Variants in RANBP2 observed in about 807,000 individuals in gnomAD.
RANBP2 encodes E3 SUMO-protein ligase RanBP2.
A neutral mutation model predicts 303.6 loss-of-function variants in RANBP2; 57 were observed. That is an observed-to-expected ratio of 0.19 (90% CI 0.15 to 0.23). RANBP2 has a LOEUF of 0.23. Ranked by LOEUF, RANBP2 falls within the 10% of genes least tolerant of loss-of-function variation. The pLI is 1.00. For synonymous variants in RANBP2, 1,167 were observed against 1,301.5 expected (o/e 0.90, Z 2.23); for missense variants, 3,138 against 3,780.8 (o/e 0.83, Z 4.46).
At chr2:108,795,068 GTCT>G in the RANBP2 span, among the ~76,000 whole-genome samples, 2 of 150,050 alleles carry the variant, frequency 1.3e-5, no homozygotes, top group African/African-American at 4.9e-5. Context: ...TATATAAAAA[GTCT>G]TCTTGTCAAC....
the RANBP2 span, among the ~76,000 whole-genome samples, chr2:109,193,858 A>G: frequency 6.6e-6 from 1 of 152,078 alleles, no homozygotes; most frequent in Non-Finnish European, 1.5e-5. Context: ...AGCCCCGGGG[A>G]TGGGTTTTCT....
the RANBP2 span, among the ~76,000 whole-genome samples, chr2:108,897,406 G>A: frequency 2.4e-4 from 36 of 151,998 alleles, no homozygotes; most frequent in South Asian, 1.0e-3. Flanking sequence ...CACCTAGAAC[G>A]CTGCCAGCCA....
the RANBP2 span, among the ~76,000 whole-genome samples, chr2:109,024,277 C>T: frequency 6.6e-6 from 1 of 152,120 alleles, no homozygotes; most frequent in African/African-American, 2.4e-5. Flanking sequence ...AGAAGATAAG[C>T]TAGATGTTAT....
the RANBP2 span, among the ~76,000 whole-genome samples, chr2:108,914,213 TCACACCACTGCACTCTA>T: frequency 6.6e-6 from 1 of 151,302 alleles, no homozygotes; most frequent in Non-Finnish European, 1.5e-5. Flanking sequence ...TGAGCCGAGA[TCACACCACTGCACTCTA>T]GCCTGGGCAA....
At chr2:109,714,286 CT>C in the RANBP2 span, among the ~76,000 whole-genome samples, 1 of 151,738 alleles carries the variant, frequency 6.6e-6, no homozygotes, top group Non-Finnish European at 1.5e-5. Flanking sequence ...GTGTTTTTCT[CT>C]TTTTTAAAAG....
chr2:108,725,808 T>A (rs1353707732), intron 1 of RANBP2, among the ~76,000 whole-genome samples: 2 of 151,734 alleles, frequency 1.3e-5, no homozygotes, highest in Admixed American at 6.6e-5. Flanking sequence ...TTTGTTAAGA[T>A]TGCTGTAGTT....
the RANBP2 span, among the ~76,000 whole-genome samples, chr2:109,198,816 G>A: frequency 6.6e-6 from 1 of 152,200 alleles, no homozygotes; most frequent in South Asian, 2.1e-4. Context: ...AGGCTACGTG[G>A]CACAGCCTGT....
In RANBP2 at chr2:108,720,592, C is replaced by G. The variant is rs192465514; in HGVS notation, c.72+914C>G. On this transcript the variant is annotated intron_variant, in intron 1 of 28. Transcript: ENST00000283195. The stretch of plus-strand genomic sequence containing the variant: ...TTGGCTTGAATAATCACAGCACTGT[C>G]GTTTATAAGCTGGGTATTTGGGGCC... 3.0e-3 allele frequency among the ~76,000 whole-genome samples: 463 copies of G among 152,252 alleles called. 3 individuals are homozygous for G. Among genetic ancestry groups the G allele is most frequent in the African/African-American group, 0.011 (446 of 41,540 alleles).
the RANBP2 span, among the ~76,000 whole-genome samples, chr2:109,423,238 G>A: frequency 2.6e-5 from 4 of 152,092 alleles, no homozygotes; most frequent in Non-Finnish European, 5.9e-5. Flanking sequence ...CAGGGGAATC[G>A]TGGCCAGCGG....
At chr2:109,491,603 G>A in the RANBP2 span, among the ~76,000 whole-genome samples, 3 of 152,116 alleles carry the variant, frequency 2.0e-5, no homozygotes, top group African/African-American at 7.2e-5. Flanking sequence ...CAGGTGCTTG[G>A]GTTTCACCTG....
the RANBP2 span, chr2:109,732,817 G>C: frequency 8.0e-7 from 1 of 1,253,306 alleles, no homozygotes; most frequent in Admixed American, 1.7e-5. Flanking sequence ...GAAGTGTGTG[G>C]GTTGCTAGAA....
chr2:108,781,252 C>G lies in RANBP2; in HGVS notation c.8600-17C>G. Reference sequence around the variant, plus strand: ...AAAATAGATACTAGTGTTTAAATATCCTGATTTATTCATCAGATAAAAATT... The same window carrying G: ...AAAATAGATACTAGTGTTTAAATATGCTGATTTATTCATCAGATAAAAATT... On this transcript the variant is annotated splice_polypyrimidine_tract_variant and intron_variant, in intron 25 of 28. Transcript: ENST00000283195. 1 of 1,613,560 alleles carries G rather than the reference C, an allele frequency of 6.2e-7. No homozygotes were observed. The highest frequency in any genetic ancestry group is 8.5e-7 in the Non-Finnish European group (1 of 1,179,608).
chr2:108,829,897 A>G, the RANBP2 span, among the ~76,000 whole-genome samples: 1 of 152,220 alleles, frequency 6.6e-6, no homozygotes, highest in Non-Finnish European at 1.5e-5. Flanking sequence ...ACATAGAATT[A>G]CCTTATGCAG....
At chr2:108,726,068 C>G (rs1238349680) in intron 1 of RANBP2, among the ~76,000 whole-genome samples, 2 of 152,120 alleles carry the variant, frequency 1.3e-5, no homozygotes, top group Non-Finnish European at 2.9e-5. Context: ...CGTGGTTTTA[C>G]TTAGCTGTGT....
chr2:109,721,206 CG>C, the RANBP2 span, among the ~76,000 whole-genome samples: 1 of 152,196 alleles, frequency 6.6e-6, no homozygotes, highest in Non-Finnish European at 1.5e-5. Context: ...AAACCTCCCT[CG>C]GAACACGAAC....
At chr2:109,085,439 GC>G in the RANBP2 span, among the ~76,000 whole-genome samples, 2 of 151,998 alleles carry the variant, frequency 1.3e-5, no homozygotes, top group Admixed American at 6.6e-5. Flanking sequence ...AAGTAGCTGG[GC>G]CTACACGCGC....
the RANBP2 span, among the ~76,000 whole-genome samples, chr2:108,986,686 A>G: frequency 7.1e-3 from 1,088 of 152,348 alleles, 9 homozygotes; most frequent in South Asian, 0.028. Flanking sequence ...AACGCTTTGT[A>G]AAGTGCCATA....
chr2:109,644,749 C>G, the RANBP2 span, among the ~76,000 whole-genome samples: 1 of 152,170 alleles, frequency 6.6e-6, no homozygotes, highest in Non-Finnish European at 1.5e-5. Flanking sequence ...CAGCCTGCGG[C>G]CTGCCCTCCA....
At chr2:109,406,384 G>T in the RANBP2 span, among the ~76,000 whole-genome samples, 7 of 152,144 alleles carry the variant, frequency 4.6e-5, no homozygotes, top group Non-Finnish European at 1.0e-4. Flanking sequence ...TAAATGGGCA[G>T]TCAGCTCTGG....
Sources: allele counts gnomAD v4.1 joint callset (sites outside exome capture counted in the v4.1 genomes callset), GRCh38; gene constraint gnomAD v4.1.1; transcripts MANE v1.5; gene names NCBI Gene and HGNC (gene_info 2026-07-23, HGNC 2026-07-21).